MMP26: variants seen among roughly 807,000 people sequenced by gnomAD.
The protein encoded by MMP26 is matrix metalloproteinase-26.
Under a neutral mutation model 31.0 loss-of-function variants are expected in MMP26, and 33 were observed. The ratio of observed to expected loss-of-function variants is 1.06; its 90% CI spans 0.81 to 1.42. The LOEUF (loss-of-function observed/expected upper bound fraction) is 1.42. Ranked by LOEUF, MMP26 falls within the 40% of genes most tolerant of loss-of-function variation. MMP26 has a pLI of 0.00. For synonymous variants in MMP26, 122 were observed against 114.9 expected (o/e 1.06, Z -0.40); for missense variants, 347 against 316.1 (o/e 1.10, Z -0.74).
rs1425951389 is a variant in MMP26 at position 4,908,247 on chromosome 11, T to A, written c.-144-79821T>A. ...CTTATGAACCCCATTGTGTACTGTG[T>A]AAAGACTCGACAAATCTGGGAGAAG... On this transcript the variant is annotated intron_variant, in intron 2 of 7. Transcript: ENST00000380390. 4.3e-6 allele frequency: 7 copies of A among 1,614,152 alleles called. No individual in the cohort carries two copies. In the South Asian group the frequency reaches 7.7e-5, roughly 18 times the overall value.
At chr11:4,758,413 A>C (rs1231288221) in intron 1 of MMP26, among the ~76,000 whole-genome samples, 1 of 151,670 alleles carries the variant, frequency 6.6e-6, no homozygotes, top group Admixed American at 6.6e-5. Flanking sequence ...ACCGGTATAA[A>C]TAAAGTGAGC....
intron 2 of MMP26, among the ~76,000 whole-genome samples, chr11:4,975,103 A>G (rs1564817798): frequency 6.6e-6 from 1 of 152,082 alleles, no homozygotes; most frequent in Non-Finnish European, 1.5e-5. Flanking sequence ...CATGTACCCC[A>G]GAACTTAAAA....
At chr11:4,888,486 TTATTTTAGAACATA>T (rs1194477673) in intron 2 of MMP26, among the ~76,000 whole-genome samples, 1 of 152,114 alleles carries the variant, frequency 6.6e-6, no homozygotes, top group Non-Finnish European at 1.5e-5. Flanking sequence ...TTAAGAACCA[TTATTTTAGAACATA>T]TATTTTAGAA....
intron 2 of MMP26, among the ~76,000 whole-genome samples, chr11:4,834,081 G>A (rs12785274): frequency 0.097 from 14,685 of 152,108 alleles, 843 homozygotes; most frequent in Middle Eastern, 0.16. Context: ...GGCCCCTCAC[G>A]TTTTTCTGGG....
intron 2 of MMP26, among the ~76,000 whole-genome samples, chr11:4,971,733 G>A (rs1219788325): frequency 2.0e-5 from 3 of 152,148 alleles, no homozygotes; most frequent in Admixed American, 2.0e-4. Context: ...CAGTTCTGCA[G>A]ACTGTACAAG....
At position 4,765,689 on chromosome 11, in the gene MMP26, G is replaced by T. The variant is rs1420993853; in HGVS notation, c.-216-1581G>T. ...GCCTGGCTTGCTGACTGCAGCTACT[G>T]CTGGCCTCTGTGATTAGTGGAAAAG... is the stretch of plus-strand genomic sequence containing the variant. On this transcript the variant is annotated intron_variant, in intron 1 of 7. Transcript: ENST00000380390. Among the ~76,000 whole-genome samples, 5 of 152,170 alleles carry T rather than the reference G, an allele frequency of 3.3e-5. 1 individual carries two copies. The highest frequency in any genetic ancestry group is 3.3e-4 in the Admixed American group (5 of 15,278).
intron 1 of MMP26, chr11:4,718,485 T>C (rs1847966507): frequency 6.6e-6 from 1 of 152,366 alleles, no homozygotes; most frequent in Non-Finnish European, 1.5e-5. Flanking sequence ...GGGCTTTCTA[T>C]ATAAGGTAGA....
At chr11:4,840,282 C>A (rs1849776739) in intron 2 of MMP26, among the ~76,000 whole-genome samples, 1 of 152,240 alleles carries the variant, frequency 6.6e-6, no homozygotes, top group Non-Finnish European at 1.5e-5. Flanking sequence ...ACAGGCCTGG[C>A]TGGCTTTGCC....
At chr11:4,990,826 T>A in intron 5 of MMP26, 80 bp downstream of exon 5, 1 of 1,414,478 alleles carries the variant, frequency 7.1e-7, no homozygotes, top group Non-Finnish European at 9.5e-7. Flanking sequence ...AACAAAAACC[T>A]AGCCCCCCTA....
chr11:4,960,216 TAA>T lies in MMP26; in HGVS notation c.-144-27850_-144-27849del, dbSNP rs1188550648. ...GTGCAATTGGCACATAGGAAGAAAA[TAA>T]ATATCTTAAAAGCAATTGATTGAAT... On this transcript the variant is annotated intron_variant, in intron 2 of 7. Transcript: ENST00000380390. 6.6e-5 allele frequency among the ~76,000 whole-genome samples: 10 copies of T among 152,160 alleles called. No homozygotes were observed. In the South Asian group the frequency reaches 2.1e-3, roughly 32 times the overall value.
intron 2 of MMP26, chr11:4,946,195 C>G: frequency 1.9e-6 from 3 of 1,614,002 alleles, no homozygotes; most frequent in Non-Finnish European, 2.5e-6. Context: ...CTACAACTCT[C>G]ACTCTAATCT....
chr11:4,988,411 C>G (rs1846938642), intron 3 of MMP26, 101 bp downstream of exon 3: 1 of 852,224 alleles, frequency 1.2e-6, no homozygotes, highest in African/African-American at 1.7e-5. Context: ...ATGATAAATA[C>G]ACACATTAAT....
At chr11:4,783,342 G>A (rs536986255) in intron 2 of MMP26, among the ~76,000 whole-genome samples, 1 of 152,208 alleles carries the variant, frequency 6.6e-6, no homozygotes, top group Non-Finnish European at 1.5e-5. Context: ...TGAATGCCCT[G>A]CTGGATTTCG....
At chr11:4,848,821 G>A (rs139421041) in intron 2 of MMP26, 68 of 1,614,004 alleles carry the variant, frequency 4.2e-5, no homozygotes, top group African/African-American at 6.7e-5. Context: ...GCCAGTGCCC[G>A]ATCAATGGAC....
intron 1 of MMP26, chr11:4,719,139 C>T (rs1847976246): frequency 6.4e-6 from 1 of 155,452 alleles, no homozygotes; most frequent in Non-Finnish European, 1.5e-5. Context: ...GCCACGTGCT[C>T]CACCACTCCT....
At chr11:4,859,475 T>A (rs1487050262) in intron 2 of MMP26, 11 of 351,952 alleles carry the variant, frequency 3.1e-5, no homozygotes, top group Non-Finnish European at 6.2e-5. Flanking sequence ...CTGTTATGTA[T>A]CTTCACCCAC....
At chr11:4,873,106 C>T (rs1447240414) in intron 2 of MMP26, among the ~76,000 whole-genome samples, 1 of 152,094 alleles carries the variant, frequency 6.6e-6, no homozygotes, top group African/African-American at 2.4e-5. Flanking sequence ...AATTTGAAGT[C>T]ATTAATCAAT....
chr11:4,913,917 C>G (rs567207906), intron 2 of MMP26: 1 of 152,320 alleles, frequency 6.6e-6, no homozygotes, highest in African/African-American at 2.4e-5. Flanking sequence ...CTGATGCTCC[C>G]TTCCCCCAGC....
intron 1 of MMP26, chr11:4,710,257 T>A: frequency 4.4e-6 from 2 of 456,754 alleles, no homozygotes; most frequent in Non-Finnish European, 8.8e-6. Context: ...GTGCTCTGCA[T>A]TGCCTCCCCA....
Sources: gnomAD v4.1 joint callset for allele counts (sites outside exome capture counted in the v4.1 genomes callset) on GRCh38, gnomAD v4.1.1 for gene constraint, MANE v1.5 for transcripts, NCBI Gene and HGNC (gene_info 2026-07-23, HGNC 2026-07-21) for gene names.